RSPRY1: variants seen among roughly 807,000 people sequenced by gnomAD.
RSPRY1 encodes RING finger and SPRY domain-containing protein 1.
In RSPRY1, 23 loss-of-function variants were observed where a neutral mutation model predicts 73.1. The observed-to-expected ratio is 0.31, with a 90% confidence interval of 0.23 to 0.45. The LOEUF (loss-of-function observed/expected upper bound fraction) is 0.45, where lower values mean the gene tolerates loss of function less well. Among genes scored for constraint, RSPRY1 ranks in the 20% least tolerant of loss-of-function variants. The pLI is 1.00. For synonymous variants in RSPRY1, 226 were observed against 251.4 expected, an observed-to-expected ratio of 0.90 and a Z score of 0.95; for missense variants, 448 against 698.7, an observed-to-expected ratio of 0.64 and a Z score of 4.05.
At chr16:57,227,230 C>A in intron 10 of RSPRY1, 112 bp from the exon 11 acceptor site, 1 of 711,036 alleles carries the variant, frequency 1.4e-6, no homozygotes, top group Non-Finnish European at 2.5e-6. Context: ...CTCTCATCAT[C>A]CAGAAAGCTT....
At chr16:57,199,895 G>GTTT (rs61132783) in intron 1 of RSPRY1, among the ~76,000 whole-genome samples, 12 of 106,236 alleles carry the variant, frequency 1.1e-4, no homozygotes, top group Non-Finnish European at 1.3e-4. Context: ...TTTTTTGTTT[G>GTTT]TTTTTTTTTT....
At chr16:57,197,458 A>T (rs1027467474) in intron 1 of RSPRY1, among the ~76,000 whole-genome samples, 1 of 152,040 alleles carries the variant, frequency 6.6e-6, no homozygotes, top group Non-Finnish European at 1.5e-5. Flanking sequence ...CTTCCACCTG[A>T]TTAACCTCTT....
chr16:57,199,696 T>G (rs2074524166), intron 1 of RSPRY1, among the ~76,000 whole-genome samples: 1 of 152,242 alleles, frequency 6.6e-6, no homozygotes, highest in East Asian at 1.9e-4. Flanking sequence ...AGATTTTTTT[T>G]TAATAAAATA....
chr16:57,225,353 C>T (rs1396784459), intron 10 of RSPRY1, among the ~76,000 whole-genome samples: 2 of 152,190 alleles, frequency 1.3e-5, no homozygotes, highest in Non-Finnish European at 2.9e-5. Context: ...TCTTGGCAGC[C>T]TTGGGTGGTG....
chr16:57,209,988 A>G lies in RSPRY1; in HGVS notation c.516+801A>G, dbSNP rs150247541. ...ACTGTGCCCCGCCACATTCTCTATCAAGGCTTTATTTAATTGCTTTTTTTT... is the reference window on the plus strand; with the variant it reads ...ACTGTGCCCCGCCACATTCTCTATCGAGGCTTTATTTAATTGCTTTTTTTT... On this transcript the variant is annotated intron_variant, in intron 4 of 14. Transcript: ENST00000394420. Among the ~76,000 whole-genome samples the G allele has an allele frequency of 4.8e-3, 717 of 150,936 alleles. 7 individuals are homozygous for G. The highest frequency in any genetic ancestry group is 0.016 in the African/African-American group (666 of 41,126).
Position 57,236,558 on chromosome 16 carries a change from A to G in RSPRY1, c.1634+1330A>G, listed in dbSNP as rs958956752. 3.3e-5 allele frequency among the ~76,000 whole-genome samples: 5 copies of G among 152,216 alleles called. 1 individual carries two copies. In the South Asian group the frequency reaches 1.0e-3, roughly 32 times the overall value. Reference sequence around the variant, plus strand: ...TAAGCATTCCTGTTACCATAAAAGAAGTTAAAATGGTTATCAAAGCTACCT... The same window carrying G: ...TAAGCATTCCTGTTACCATAAAAGAGGTTAAAATGGTTATCAAAGCTACCT... On this transcript the variant is annotated intron_variant, in intron 14 of 14. Coordinates refer to ENST00000394420, the MANE Select transcript of RSPRY1 (RefSeq NM_133368.3).
intron 2 of RSPRY1, 61 bp downstream of exon 2, chr16:57,205,069 A>G (rs1186639977): frequency 2.4e-6 from 3 of 1,264,550 alleles, no homozygotes; most frequent in African/African-American, 3.0e-5. Context: ...CGGAACCATG[A>G]CTTTAGGACT....
At chr16:57,216,579 GC>G in intron 7 of RSPRY1, 3 of 340,948 alleles carry the variant, frequency 8.8e-6, no homozygotes, top group South Asian at 3.7e-5. Context: ...AATCAGCCAG[GC>G]ATGGTGGCAT....
At position 57,204,581 on chromosome 16, in the gene RSPRY1, T is replaced by G; in HGVS notation, c.-78T>G. ...CTCTGCAACTTTCTTTGGCATTCAG[T>G]TGTTAAAAACAAATAGGATGCAAAT... On this transcript the variant is annotated 5_prime_UTR_variant, in exon 2 of 15. Transcript: ENST00000394420. The G allele has an allele frequency of 7.6e-7, 1 of 1,315,882 alleles. No individual in the cohort carries two copies. The highest frequency in any genetic ancestry group is 1.1e-6 in the Non-Finnish European group (1 of 939,538). 81.5% of individuals were successfully genotyped at this position (1,315,882 alleles called of 1,614,324 possible).
At chr16:57,195,892 C>T (rs574483840) in intron 1 of RSPRY1, among the ~76,000 whole-genome samples, 3 of 151,450 alleles carry the variant, frequency 2.0e-5, no homozygotes, top group South Asian at 2.1e-4. Flanking sequence ...CGTGGTGGCA[C>T]GCACCTGTAG....
chr16:57,215,317 G>C (rs1343886599), intron 6 of RSPRY1, among the ~76,000 whole-genome samples: 1 of 152,180 alleles, frequency 6.6e-6, no homozygotes, highest in Non-Finnish European at 1.5e-5. Context: ...CCAGGCAGAG[G>C]GATTTAGATG....
Position 57,204,917 on chromosome 16 carries a change from G to A in RSPRY1, c.259G>A (p.Gly87Ser), listed in dbSNP as rs1300729203. 2.5e-6 allele frequency: 4 copies of A among 1,614,168 alleles called. No homozygotes were observed. The South Asian group carries it at 3.3e-5, about 13-fold the overall frequency. Residue 87 changes from glycine (G) to serine (S), a missense_variant, in exon 2 of 15, where the codon GGC (glycine) becomes AGC (serine). Transcript: ENST00000394420. ...PRDPVRPPRR[G>S]RGPHEPRRKK... The stretch of plus-strand genomic sequence containing the variant: ...GGACCCTGTTCGGCCACCAAGGAGG[G>A]GCCGAGGACCTCATGAGCCAAGGAG...
At chr16:57,186,285 T>C (rs1200484615), upstream of RSPRY1, 14 of 540,358 alleles carry the variant, frequency 2.6e-5, no homozygotes, top group Non-Finnish European at 3.1e-5. Flanking sequence ...GGGCGTTTCC[T>C]AGGGGACTGA....
intron 13 of RSPRY1, among the ~76,000 whole-genome samples, chr16:57,233,958 A>T (rs909889161): frequency 6.6e-6 from 1 of 152,090 alleles, no homozygotes; most frequent in East Asian, 1.9e-4. Flanking sequence ...ATTTGTTACA[A>T]CGTAAGTCAG....
chr16:57,199,782 A>C (rs1351539395), intron 1 of RSPRY1, among the ~76,000 whole-genome samples: 1 of 151,578 alleles, frequency 6.6e-6, no homozygotes, highest in African/African-American at 2.4e-5. Flanking sequence ...AAAAACCTTG[A>C]ATTGTTTACC....
chr16:57,238,867 GT>G lies in RSPRY1; in HGVS notation c.1635-9del, dbSNP rs1479949003. 1 of 1,529,888 alleles carries G rather than the reference GT, an allele frequency of 6.5e-7. No homozygotes were observed. Among genetic ancestry groups the G allele is most frequent in the Non-Finnish European group, 8.8e-7 (1 of 1,134,008 alleles). The allele number at this position is 1,529,888 out of a possible 1,614,324, so 94.8% of individuals were successfully genotyped here. On this transcript the variant is annotated splice_polypyrimidine_tract_variant and intron_variant, in intron 14 of 14. Coordinates refer to ENST00000394420, the MANE Select transcript of RSPRY1 (RefSeq NM_133368.3). ...GCATTAACTTGACTGACTTTTCTGT[GT>G]TTCTCCCCAGTGACCTGTGCATGGA...
rs543939131 is a variant in RSPRY1 at position 57,217,067 on chromosome 16, C to T, written c.901+32C>T. ...GGGAGTTGTCCTTTATTAAAATGTCCGTTTCCATTTCCAGACTCATTTCTT... is the reference window on the plus strand; with the variant it reads ...GGGAGTTGTCCTTTATTAAAATGTCTGTTTCCATTTCCAGACTCATTTCTT... On this transcript the variant is annotated intron_variant, in intron 8 of 14. Coordinates refer to ENST00000394420, the MANE Select transcript of RSPRY1 (RefSeq NM_133368.3). 31 of 1,612,868 alleles carry T rather than the reference C, an allele frequency of 1.9e-5. No homozygotes were observed. The East Asian group carries it at 2.9e-4, about 15-fold the overall frequency.
intron 8 of RSPRY1, among the ~76,000 whole-genome samples, chr16:57,218,770 C>G (rs553135489): frequency 4.1e-5 from 4 of 98,116 alleles, no homozygotes; most frequent in African/African-American, 1.7e-4. Context: ...GAGTCTCGCT[C>G]TGTCGCCCAG....
intron 10 of RSPRY1, 91 bp from the exon 11 acceptor site, chr16:57,227,251 C>A: frequency 1.2e-6 from 1 of 809,148 alleles, no homozygotes; most frequent in Non-Finnish European, 2.1e-6. Flanking sequence ...AGAATCCCAG[C>A]CATTAGGTCA....
Sources: gnomAD v4.1 joint callset for allele counts (sites outside exome capture counted in the v4.1 genomes callset) on GRCh38, gnomAD v4.1.1 for gene constraint, MANE v1.5 for transcripts, NCBI Gene and HGNC (gene_info 2026-07-23, HGNC 2026-07-21) for gene names.